The following ARHGEF12 variants were observed in gnomAD, a reference collection of about 807,000 sequenced individuals.
ARHGEF12 encodes Rho guanine nucleotide exchange factor 12.
Under a neutral mutation model 211.2 loss-of-function variants are expected in ARHGEF12, and 66 were observed. That is an observed-to-expected ratio of 0.31 (90% CI 0.26 to 0.38). The LOEUF is 0.38. ARHGEF12 is among the 10% of genes least tolerant of loss of function. The pLI is 1.00. For synonymous variants in ARHGEF12, 592 were observed against 638.4 expected, an observed-to-expected ratio of 0.93 and a Z score of 1.09; for missense variants, 1,429 against 1,869.5, an observed-to-expected ratio of 0.76 and a Z score of 4.34.
chr11:120,437,573 G>GTTCCTTCA (rs936992238), intron 12 of ARHGEF12, among the ~76,000 whole-genome samples, 191 bp downstream of exon 12: 3 of 151,976 alleles, frequency 2.0e-5, no homozygotes, highest in Non-Finnish European at 4.4e-5. Context: ...GTATTCTTAG[G>GTTCCTTCA]TTCCTTCATA....
chr11:120,465,118 C>G, intron 27 of ARHGEF12, 119 bp from the exon 28 acceptor site: 1 of 1,267,162 alleles, frequency 7.9e-7, no homozygotes. Flanking sequence ...CATAGATATG[C>G]AGTTCTGTGT....
At chr11:120,344,484 C>T (rs948749241) in intron 1 of ARHGEF12, among the ~76,000 whole-genome samples, 1 of 152,008 alleles carries the variant, frequency 6.6e-6, no homozygotes, top group South Asian at 2.1e-4. Context: ...GTTCCAGACA[C>T]AAGCCGATAT....
In ARHGEF12 at chr11:120,380,751, T is replaced by C. The variant is rs377246974; in HGVS notation, c.33-25367T>C. Among the ~76,000 whole-genome samples, 30 of 152,322 alleles carry C rather than the reference T, an allele frequency of 2.0e-4. No homozygotes were observed. In the East Asian group the frequency reaches 5.4e-3, roughly 27 times the overall value. On this transcript the variant is annotated intron_variant, in intron 1 of 40. Transcript: ENST00000397843. ...CCCACACTTTAGGAAGGGGGAGATATCTACATACATGGTTTGAAATTCTTC... is the reference window on the plus strand; with the variant it reads ...CCCACACTTTAGGAAGGGGGAGATACCTACATACATGGTTTGAAATTCTTC...
chr11:120,431,909 G>T lies in ARHGEF12; in HGVS notation c.922G>T (p.Asp308Tyr), dbSNP rs1945552720. The stretch of plus-strand genomic sequence containing the variant: ...TTCTCGGCCCAGTAGTGACAATGCA[G>T]ATGTAAGCTTTCAGTTTTCTAAATC... ...DASRPSSDNA[D>Y]SPKSGPKERI... Residue 308 changes from aspartate (D) to tyrosine (Y), a missense_variant and splice_region_variant, in exon 11 of 41, where the codon GAT becomes TAT. Asp to Tyr is a radical substitution (Grantham distance 160, BLOSUM62 -3). This residue lies in a region of ARHGEF12 where 254 missense variants were observed against 286.4 expected (regional missense o/e 0.89). Coordinates refer to ENST00000397843, the MANE Select transcript of ARHGEF12 (RefSeq NM_015313.3). 6.3e-7 allele frequency: 1 copy of T among 1,580,774 alleles called. No individual in the cohort carries two copies. The highest frequency in any genetic ancestry group is 8.6e-7 in the Non-Finnish European group (1 of 1,167,068).
At chr11:120,390,773 C>T (rs1944189073) in intron 1 of ARHGEF12, among the ~76,000 whole-genome samples, 1 of 152,088 alleles carries the variant, frequency 6.6e-6, no homozygotes, top group Admixed American at 6.6e-5. Flanking sequence ...GGGTTGAAAG[C>T]AAGGGTTCTA....
Position 120,451,507 on chromosome 11 carries a change from A to G in ARHGEF12, c.1844-5A>G, listed in dbSNP as rs1457217090. 1 of 1,613,788 alleles carries G rather than the reference A, an allele frequency of 6.2e-7. No individual in the cohort carries two copies. Among genetic ancestry groups the G allele is most frequent in the Non-Finnish European group, 8.5e-7 (1 of 1,179,944 alleles). ...ACAGATTATTAACCATCATTTTCTG[A>G]TCAGTTGGCAGAGCCATGGAACTAC... On this transcript the variant is annotated splice_polypyrimidine_tract_variant and splice_region_variant and intron_variant, in intron 21 of 40. Coordinates refer to ENST00000397843, the MANE Select transcript of ARHGEF12 (RefSeq NM_015313.3).
chr11:120,445,053 A>G (rs1241527465), intron 15 of ARHGEF12, among the ~76,000 whole-genome samples: 2 of 152,230 alleles, frequency 1.3e-5, no homozygotes, highest in African/African-American at 2.4e-5. Flanking sequence ...ATATGATAAT[A>G]TACACATAAT....
intron 30 of ARHGEF12, among the ~76,000 whole-genome samples, chr11:120,472,397 G>C (rs1186311991): frequency 6.6e-6 from 1 of 152,010 alleles, no homozygotes; most frequent in Non-Finnish European, 1.5e-5. Flanking sequence ...AATTGAGGGG[G>C]GTGGGGCAAT....
intron 1 of ARHGEF12, among the ~76,000 whole-genome samples, chr11:120,342,579 C>CT (rs888102801): frequency 6.6e-6 from 1 of 152,146 alleles, no homozygotes; most frequent in Non-Finnish European, 1.5e-5. Flanking sequence ...ATTTCATTAG[C>CT]TTTTTCTCAG....
At chr11:120,404,515 A>G (rs928450314) in intron 1 of ARHGEF12, among the ~76,000 whole-genome samples, 1 of 152,164 alleles carries the variant, frequency 6.6e-6, no homozygotes, top group African/African-American at 2.4e-5. Context: ...AGCAAGTTGG[A>G]CTGTGGGCGT....
rs367678571 is a variant in ARHGEF12 at position 120,456,014 on chromosome 11, G to A, written c.2057-1104G>A. On this transcript the variant is annotated intron_variant, in intron 22 of 40. Transcript: ENST00000397843. Reference sequence around the variant, plus strand: ...GCCCATGGATTGCATCATTGGACCGGTAGGAAAAAATATATAATCCTAACT... The same window carrying A: ...GCCCATGGATTGCATCATTGGACCGATAGGAAAAAATATATAATCCTAACT... 2.0e-5 allele frequency among the ~76,000 whole-genome samples: 3 copies of A among 152,128 alleles called. No individual in the cohort carries two copies. In the South Asian group the frequency reaches 6.2e-4, roughly 32 times the overall value.
In ARHGEF12 at chr11:120,371,264, G is replaced by A. The variant is rs1234355569; in HGVS notation, c.32+33989G>A. ...AGCAATATGGGAGGCCGAGGCGGGC[G>A]GATCACCTGAGGTTGGGAGTTTGAG... On this transcript the variant is annotated intron_variant, in intron 1 of 40. Coordinates refer to ENST00000397843, the MANE Select transcript of ARHGEF12 (RefSeq NM_015313.3). 3.3e-5 allele frequency among the ~76,000 whole-genome samples: 5 copies of A among 152,202 alleles called. No homozygotes were observed. In the East Asian group the frequency reaches 7.7e-4, roughly 23 times the overall value.
In ARHGEF12 at chr11:120,347,183, C is replaced by CCTTTCTTTCTTT. The variant is rs58396345; in HGVS notation, c.32+9919_32+9930dup. 3.5e-3 allele frequency among the ~76,000 whole-genome samples: 355 copies of CCTTTCTTTCTTT among 100,306 alleles called. 15 individuals carry two copies. The highest frequency in any genetic ancestry group is 0.013 in the South Asian group (40 of 3,120). 65.8% of individuals were successfully genotyped at this position (100,306 alleles called of 152,430 possible). A position where few individuals can be genotyped will look rare whatever the true frequency, so the allele number is the denominator to read the frequency against. Reference sequence around the variant, plus strand: ...TCCTTCCTTCCTTCCTTCCTTCCTTCCTTTCTTTCTTTCTTTCTTTCTCTT... The same window carrying CCTTTCTTTCTTT: ...TCCTTCCTTCCTTCCTTCCTTCCTTCCTTTCTTTCTTTCTTTCTTTCTTTCTTTCTTTCTCTT... On this transcript the variant is annotated intron_variant, in intron 1 of 40. Transcript: ENST00000397843.
rs187415162 is a variant in ARHGEF12 at position 120,407,086 on chromosome 11, C to G, written c.57-652C>G. ...TTATCATTTTTAGTGTCAGCATAGT[C>G]CAGGATCCAATGCTAACCTTGGCAT... On this transcript the variant is annotated intron_variant, in intron 2 of 40. Coordinates refer to ENST00000397843, the MANE Select transcript of ARHGEF12 (RefSeq NM_015313.3). 2.6e-3 allele frequency among the ~76,000 whole-genome samples: 390 copies of G among 152,242 alleles called. 3 individuals are homozygous for G. The highest frequency in any genetic ancestry group is 8.9e-3 in the African/African-American group (368 of 41,538).
chr11:120,351,428 TA>T (rs1942946319), intron 1 of ARHGEF12, among the ~76,000 whole-genome samples: 3 of 9,692 alleles, frequency 3.1e-4, no homozygotes, highest in African/African-American at 4.4e-4. Context: ...TATATATATA[TA>T]TATATATATA....
At chr11:120,466,454 A>G (rs1392038574) in intron 28 of ARHGEF12, among the ~76,000 whole-genome samples, 1 of 152,220 alleles carries the variant, frequency 6.6e-6, no homozygotes, top group African/African-American at 2.4e-5. Context: ...CTCTAATGAA[A>G]TCAGGCCCAG....
chr11:120,395,784 ACCTCCCACCAGGTC>A lies in ARHGEF12; in HGVS notation c.33-10325_33-10312del, dbSNP rs1944364830. ...GACCCCCCCCCTTCATGATTCAATT[ACCTCCCACCAGGTC>A]CCTCCCACACATGGGAATTATGGGA... On this transcript the variant is annotated intron_variant, in intron 1 of 40. Coordinates refer to ENST00000397843, the MANE Select transcript of ARHGEF12 (RefSeq NM_015313.3). Among the ~76,000 whole-genome samples, 3 of 151,716 alleles carry A rather than the reference ACCTCCCACCAGGTC, an allele frequency of 2.0e-5. No individual in the cohort carries two copies. In the South Asian group the frequency reaches 6.3e-4, roughly 32 times the overall value.
At position 120,337,064 on chromosome 11, in the gene ARHGEF12, T is replaced by G; in HGVS notation, c.-180T>G. ...CGTTTTGGGAGATAACTTGTTTTGCTCCAAGCCGCATCCGTTGACCCCTTA... is the reference window on the plus strand; with the variant it reads ...CGTTTTGGGAGATAACTTGTTTTGCGCCAAGCCGCATCCGTTGACCCCTTA... On this transcript the variant is annotated 5_prime_UTR_variant, in exon 1 of 41. Coordinates refer to ENST00000397843, the MANE Select transcript of ARHGEF12 (RefSeq NM_015313.3). The G allele has an allele frequency of 1.4e-6, 1 of 693,670 alleles. No individual in the cohort carries two copies. Among genetic ancestry groups the G allele is most frequent in the Non-Finnish European group, 2.5e-6 (1 of 397,226 alleles). 43.0% of individuals were successfully genotyped at this position (693,670 alleles called of 1,614,324 possible).
At chr11:120,348,837 G>A (rs56406822) in intron 1 of ARHGEF12, among the ~76,000 whole-genome samples, 18,714 of 151,948 alleles carry the variant, frequency 0.12, 1,576 homozygotes, top group Admixed American at 0.27. Context: ...GCAAAACACC[G>A]TCTCAAAAAA....
Sources: gnomAD v4.1 joint callset for allele counts (sites outside exome capture counted in the v4.1 genomes callset) on GRCh38, gnomAD v4.1.1 for gene constraint, gnomAD v4.1.1 regional missense constraint, MANE v1.5 for transcripts, NCBI Gene and HGNC (gene_info 2026-07-23, HGNC 2026-07-21) for gene names.